GPR179: variants seen among roughly 807,000 people sequenced by gnomAD.
GPR179 encodes probable G protein-coupled receptor 179.
Under a neutral mutation model 70.8 loss-of-function variants are expected in GPR179, and 52 were observed. That is an observed-to-expected ratio of 0.73 (90% CI 0.59 to 0.93). The LOEUF is 0.93. GPR179 is among the 40% of genes least tolerant of loss of function. GPR179 has a pLI of 0.00. For synonymous variants in GPR179, 1,123 were observed against 1,169.0 expected, an observed-to-expected ratio of 0.96 and a Z score of 0.80; for missense variants, 2,734 against 2,966.8, an observed-to-expected ratio of 0.92 and a Z score of 1.82.
Position 38,343,288 on chromosome 17 carries a change from G to A in GPR179, c.502C>T (p.Arg168Trp), listed in dbSNP as rs780243815. 15 of 1,614,018 alleles carry A rather than the reference G, an allele frequency of 9.3e-6. No homozygotes were observed. Among genetic ancestry groups the A allele is most frequent in the South Asian group, 6.6e-5 (6 of 91,086 alleles). The change falls in exon 1 of 11, where the codon CGG becomes TGG. Residue 168 changes from arginine to tryptophan, a missense_variant. Transcript: ENST00000616987. This position sits in a 1 kb window ranked among gnomAD's most constrained non-coding sequence, Gnocchi z 4.2. ...SHLQLALQATRTGEETILQDL... is the reference protein window; with the variant it reads ...SHLQLALQATWTGEETILQDL... ...TGCAGGATGGTTTCCTCCCCAGTCC[G>A]GGTGGCCTGCAGGGCCAGCTGTAGG...
In GPR179 at chr17:38,326,537, T is replaced by C. The variant is rs2037287021; in HGVS notation, c.7032A>G (p.Ser2344=). 1 of 1,614,184 alleles carries C rather than the reference T, an allele frequency of 6.2e-7. No homozygotes were observed. Among genetic ancestry groups the C allele is most frequent in the Non-Finnish European group, 8.5e-7 (1 of 1,179,994 alleles). Reference sequence around the variant, plus strand: ...ACTGAGCTTCAAAAGCCACTTGGCCTGAGTCTTCAGTTAAGGACGAAGACT... The same window carrying C: ...ACTGAGCTTCAAAAGCCACTTGGCCCGAGTCTTCAGTTAAGGACGAAGACT... ...ESQSSSLTED[S]GQVAFEAQYE... is the part of the protein sequence containing the mutation. Residue 2344 remains serine, a synonymous_variant, in exon 11 of 11, where the codon TCA becomes TCG. Coordinates refer to ENST00000616987, the MANE Select transcript of GPR179 (RefSeq NM_001004334.4).
chr17:38,337,830 G>A (rs2144274282), intron 2 of GPR179, 110 bp from the exon 3 acceptor site: 1 of 901,338 alleles, frequency 1.1e-6, no homozygotes, highest in Admixed American at 2.3e-5. Context: ...TGGGACTTGG[G>A]TCCACACTAG....
At position 38,335,573 on chromosome 17, in the gene GPR179, G is replaced by T. The variant is rs780164180; in HGVS notation, c.1406+18C>A. On this transcript the variant is annotated intron_variant, in intron 6 of 10. Coordinates refer to ENST00000616987, the MANE Select transcript of GPR179 (RefSeq NM_001004334.4). ...CTGGGATGAGCAGCATGAGAGCAAA[G>T]TCTGCCCCAGGCCGTACCTGTAAAG... 1 of 1,562,750 alleles carries T rather than the reference G, an allele frequency of 6.4e-7. No individual in the cohort carries two copies. The highest frequency in any genetic ancestry group is 8.8e-7 in the Non-Finnish European group (1 of 1,133,424).
Position 38,329,730 on chromosome 17 carries a change from C to T in GPR179, c.3839G>A (p.Arg1280Lys). The T allele has an allele frequency of 6.2e-7, 1 of 1,614,146 alleles. No individual in the cohort carries two copies. ...TTTTTGGGAGTCACCTGGGTCTTGT[C>T]TTAGTGCCCTCGACTCTGGGGCTCC... ...SEGAPESRAL[R>K]QDPGDSQKKR... is the part of the protein sequence containing the mutation. Residue 1280 changes from arginine to lysine, a missense_variant, in exon 11 of 11, where the codon AGA (arginine) becomes AAA (lysine). Arg to Lys is a conservative substitution (Grantham distance 26, BLOSUM62 2). Transcript: ENST00000616987.
Position 38,336,127 on chromosome 17 carries a change from T to C in GPR179, c.1245A>G (p.Gly415=). 2 of 1,612,524 alleles carry C rather than the reference T, an allele frequency of 1.2e-6. No individual in the cohort carries two copies. The highest frequency in any genetic ancestry group is 1.7e-6 in the Non-Finnish European group (2 of 1,178,586). ...AAAGGACAGTTTCCAGCAGGACCAC[T>C]CCAGATGCCCAGATCCTCTGTGAAG... The part of the protein sequence containing the change: ...CRRNKRIWAS[G]VVLLETVLFG... Residue 415 remains glycine, a synonymous_variant, in exon 5 of 11, where the codon GGA becomes GGG. Coordinates refer to ENST00000616987, the MANE Select transcript of GPR179 (RefSeq NM_001004334.4).
At position 38,329,954 on chromosome 17, in the gene GPR179, T is replaced by A; in HGVS notation, c.3615A>T (p.Gln1205His). 1.9e-6 allele frequency: 3 copies of A among 1,614,216 alleles called. No homozygotes were observed. In the African/African-American group the frequency reaches 4.0e-5, roughly 22 times the overall value. Residue 1205 changes from glutamine to histidine, a missense_variant, in exon 11 of 11, where the codon CAA (glutamine) becomes CAT (histidine). Gln to His is a conservative substitution (Grantham distance 24). Transcript: ENST00000616987. Reference sequence around the variant, plus strand: ...GCTTGATGTTTTTGTCCCTGGAAACTTGCCTCAGCATGGCAAGCCCTGTTT... The same window carrying A: ...GCTTGATGTTTTTGTCCCTGGAAACATGCCTCAGCATGGCAAGCCCTGTTT... The part of the protein sequence containing the change: ...AGKTGLAMLR[Q>H]VSRDKNIKQS...
Position 38,328,007 on chromosome 17 carries a change from G to C in GPR179, c.5562C>G (p.Ser1854=). The C allele has an allele frequency of 6.2e-7, 1 of 1,614,054 alleles. No individual in the cohort carries two copies. Among genetic ancestry groups the C allele is most frequent in the Non-Finnish European group, 8.5e-7 (1 of 1,180,016 alleles). ...EKALEKGRLT[S]LGEDVSKGMA... is the part of the protein sequence containing the mutation. Reference sequence around the variant, plus strand: ...TCCCTTTTGATACGTCTTCTCCCAGGGAAGTGAGTCTCCCCTTTTCTAGAG... The same window carrying C: ...TCCCTTTTGATACGTCTTCTCCCAGCGAAGTGAGTCTCCCCTTTTCTAGAG... Residue 1854 remains serine, a synonymous_variant, in exon 11 of 11, where the codon TCC becomes TCG. Transcript: ENST00000616987.
intron 10 of GPR179, among the ~76,000 whole-genome samples, chr17:38,332,082 G>T (rs1221443453): frequency 1.3e-5 from 2 of 152,142 alleles, no homozygotes; most frequent in Non-Finnish European, 2.9e-5. Context: ...GTCAGGGGTG[G>T]AGCTGCCCCT....
In GPR179 at chr17:38,337,656, A is replaced by ATCTACAC; in HGVS notation, c.967_968insGTGTAGA (p.Phe323CysfsTer16). On this transcript the variant is annotated frameshift_variant, in exon 3 of 11. Coordinates refer to ENST00000616987, the MANE Select transcript of GPR179 (RefSeq NM_001004334.4). LOFTEE classifies it high-confidence loss of function. ...ACCCCCAGAGGGGCTTGCCCCGTAG[A>ATCTACAC]ATCCAGGTCGGCAGCGGCAGAGGTA... 1 of 1,606,582 alleles carries ATCTACAC rather than the reference A, an allele frequency of 6.2e-7. No individual in the cohort carries two copies. The highest frequency in any genetic ancestry group is 1.7e-5 in the Admixed American group (1 of 58,906).
intron 1 of GPR179, 93 bp from the exon 2 acceptor site, chr17:38,339,618 C>T (rs1456674583): frequency 4.0e-5 from 34 of 858,298 alleles, no homozygotes; most frequent in Non-Finnish European, 4.9e-5. Context: ...AAATGATGCT[C>T]GGAATTATGG....
chr17:38,329,245 A>T lies in GPR179; in HGVS notation c.4324T>A (p.Ser1442Thr). The T allele has an allele frequency of 6.2e-7, 1 of 1,613,720 alleles. No individual in the cohort carries two copies. The change falls in exon 11 of 11, where the codon TCA (serine) becomes ACA (threonine). Residue 1442 changes from serine to threonine, a missense_variant. Coordinates refer to ENST00000616987, the MANE Select transcript of GPR179 (RefSeq NM_001004334.4). ...TCTGAGCTTCCTGGGGCCTGAATTG[A>T]GACTGCTGAGGGGCCCCGGAAATCT... ...STDFRGPSAV[S>T]IQAPGSSECS...
chr17:38,325,653 C>T lies in GPR179; in HGVS notation c.*812G>A, dbSNP rs1048034005. On this transcript the variant is annotated 3_prime_UTR_variant, in exon 11 of 11. Coordinates refer to ENST00000616987, the MANE Select transcript of GPR179 (RefSeq NM_001004334.4). ...GAAGAGGGGGAGACCCCCTAAAAAA[C>T]TAGCAAGAGGCACACAAGGATGTCT... 3.3e-5 allele frequency: 5 copies of T among 152,350 alleles called. No homozygotes were observed. The highest frequency in any genetic ancestry group is 7.3e-5 in the Non-Finnish European group (5 of 68,094). The allele number at this position is 152,350 out of a possible 1,614,324, so 9.4% of individuals were successfully genotyped here.
At chr17:38,339,366 A>T in intron 2 of GPR179, 51 bp downstream of exon 2, 1 of 1,167,306 alleles carries the variant, frequency 8.6e-7, no homozygotes. Context: ...TGATGGGAAA[A>T]GGGGAGGGAG....
intron 2 of GPR179, among the ~76,000 whole-genome samples, chr17:38,339,127 G>T (rs1376290269): frequency 6.6e-6 from 1 of 152,138 alleles, no homozygotes; most frequent in Non-Finnish European, 1.5e-5. Flanking sequence ...CCCTGGGGAG[G>T]GGTCCTGGAG....
intron 1 of GPR179, 28 bp downstream of exon 1, chr17:38,342,968 G>A: frequency 6.4e-7 from 1 of 1,555,220 alleles, no homozygotes; most frequent in Non-Finnish European, 8.7e-7. Flanking sequence ...CCCCACACAT[G>A]CATCAAATCC....
intron 1 of GPR179, among the ~76,000 whole-genome samples, chr17:38,340,236 A>G (rs1291339236): frequency 6.6e-6 from 1 of 152,162 alleles, no homozygotes; most frequent in African/African-American, 2.4e-5. Flanking sequence ...TCTTTGGCTC[A>G]AGTGATTCTC....
At position 38,343,170 on chromosome 17, in the gene GPR179, C is replaced by T. The variant is rs771343153; in HGVS notation, c.620G>A (p.Gly207Glu). The T allele has an allele frequency of 6.2e-7, 1 of 1,614,140 alleles. No homozygotes were observed. The highest frequency in any genetic ancestry group is 8.5e-7 in the Non-Finnish European group (1 of 1,180,000). Reference sequence around the variant, plus strand: ...CGGCCACTTGGGGCTGCCGAGGCTCCCTAGGTCATTGGTCAACACTCGCTT... The same window carrying T: ...CGGCCACTTGGGGCTGCCGAGGCTCTCTAGGTCATTGGTCAACACTCGCTT... ...LKKRVLTNDL[G>E]SLGSPKWPQA... Residue 207 changes from glycine (G) to glutamate (E), a missense_variant, in exon 1 of 11, where the codon GGG (glycine) becomes GAG (glutamate). Physicochemically the swap from Gly to Glu is moderately conservative, Grantham distance 98. Transcript: ENST00000616987. The surrounding 1 kb of genome is among the most constrained non-coding windows in gnomAD (Gnocchi z 4.2).
chr17:38,339,005 A>G (rs2037428002), intron 2 of GPR179, among the ~76,000 whole-genome samples: 1 of 152,164 alleles, frequency 6.6e-6, no homozygotes, highest in Non-Finnish European at 1.5e-5. Context: ...CCTTTTGTAG[A>G]CAGACCAATG....
At position 38,329,689 on chromosome 17, in the gene GPR179, G is replaced by A. The variant is rs567720784; in HGVS notation, c.3880C>T (p.Arg1294Trp). Residue 1294 changes from arginine to tryptophan, a missense_variant, in exon 11 of 11, where the codon CGG becomes TGG. Coordinates refer to ENST00000616987, the MANE Select transcript of GPR179 (RefSeq NM_001004334.4). Reference sequence around the variant, plus strand: ...ACATCTATGGGCTCTGATTTTCCCCGGGCCTCCCCTCTCTTTTTTTGGGAG... The same window carrying A: ...ACATCTATGGGCTCTGATTTTCCCCAGGCCTCCCCTCTCTTTTTTTGGGAG... Reference protein sequence around the residue: ...GDSQKKRGEARGKSEPIDVVP... With the variant: ...GDSQKKRGEAWGKSEPIDVVP... 31 of 1,614,052 alleles carry A rather than the reference G, an allele frequency of 1.9e-5. No homozygotes were observed. The highest frequency in any genetic ancestry group is 1.9e-4 in the South Asian group (17 of 91,060).
Sources: allele counts gnomAD v4.1 joint callset (sites outside exome capture counted in the v4.1 genomes callset), GRCh38; gene constraint gnomAD v4.1.1; non-coding constraint Gnocchi (gnomAD v3.1); transcripts MANE v1.5; gene names NCBI Gene and HGNC (gene_info 2026-07-23, HGNC 2026-07-21).